NDC1: variants seen among roughly 807,000 people sequenced by gnomAD.
NDC1 encodes nucleoporin NDC1.
In NDC1, 24 loss-of-function variants were observed where a neutral mutation model predicts 89.8. The observed-to-expected ratio is 0.27, with a 90% CI of 0.19 to 0.38. The LOEUF is 0.38. NDC1 is among the 10% of genes least tolerant of loss of function. The probability of loss-of-function intolerance (pLI) is 1.00; values close to 1 mark genes in which losing one functional copy is unlikely to be tolerated. For missense variants in NDC1, 728 were observed against 797.6 expected (o/e 0.91, Z 1.05); for synonymous variants, 296 against 284.8 (o/e 1.04, Z -0.39).
At chr1:53,833,162 C>CTCTG (rs1324386200) in intron 2 of NDC1, among the ~76,000 whole-genome samples, 1 of 152,172 alleles carries the variant, frequency 6.6e-6, no homozygotes, top group Non-Finnish European at 1.5e-5. Flanking sequence ...TCTTTCTTTT[C>CTCTG]TCTGTCTTTC....
At chr1:53,790,719 A>C (rs1001191224) in intron 14 of NDC1, among the ~76,000 whole-genome samples, 2 of 152,052 alleles carry the variant, frequency 1.3e-5, no homozygotes, top group African/African-American at 2.4e-5. Context: ...ATAAATAAAT[A>C]AACAACAACA....
intron 11 of NDC1, among the ~76,000 whole-genome samples, chr1:53,799,081 T>C (rs1647823030): frequency 1.3e-5 from 2 of 152,220 alleles, no homozygotes; most frequent in Non-Finnish European, 2.9e-5. Flanking sequence ...CAACGCTAAT[T>C]TGATGGAACT....
chr1:53,803,907 G>A, intron 10 of NDC1, 21 bp downstream of exon 10: 1 of 1,561,698 alleles, frequency 6.4e-7, no homozygotes. Context: ...GCCTAATCAA[G>A]TCTATTACTT....
chr1:53,766,453 A>C lies in NDC1; in HGVS notation c.*1517T>G, dbSNP rs1647066807. 2 of 152,194 alleles carry C rather than the reference A, an allele frequency of 1.3e-5. No individual in the cohort carries two copies. Among genetic ancestry groups the C allele is most frequent in the Non-Finnish European group, 2.9e-5 (2 of 68,026 alleles). The allele number at this position is 152,194 out of a possible 1,614,324, so 9.4% of individuals were successfully genotyped here. A position where few individuals can be genotyped will look rare whatever the true frequency, so the allele number is the denominator to read the frequency against. On this transcript the variant is annotated 3_prime_UTR_variant, in exon 18 of 18. Coordinates refer to ENST00000371429, the MANE Select transcript of NDC1 (RefSeq NM_018087.5). ...TAAGAAATGACTACGTTTGAAATTC[A>C]ACTTTCACATTCAAAAAAAAGAAAT...
At chr1:53,825,753 A>G in intron 5 of NDC1, 45 bp downstream of exon 5, 1 of 1,534,026 alleles carries the variant, frequency 6.5e-7, no homozygotes, top group Non-Finnish European at 8.7e-7. Context: ...AGGCAATTTT[A>G]CCTCAGCCAA....
At chr1:53,791,305 A>G (rs1647492073) in intron 14 of NDC1, among the ~76,000 whole-genome samples, 1 of 151,992 alleles carries the variant, frequency 6.6e-6, no homozygotes, top group African/African-American at 2.4e-5. Flanking sequence ...TGTAGTCCCA[A>G]CTACTCAGGA....
At chr1:53,823,949 CT>C (rs1178704392) in intron 5 of NDC1, among the ~76,000 whole-genome samples, 3 of 151,978 alleles carry the variant, frequency 2.0e-5, no homozygotes, top group Non-Finnish European at 4.4e-5. Context: ...TCTTTCTCTT[CT>C]TTTTTTAAAG....
chr1:53,835,123 A>G (rs1044351787), intron 2 of NDC1, among the ~76,000 whole-genome samples: 10 of 152,222 alleles, frequency 6.6e-5, no homozygotes, highest in Non-Finnish European at 1.3e-4. Flanking sequence ...ACGTATTTTT[A>G]AAAGAGGTAC....
intron 16 of NDC1, among the ~76,000 whole-genome samples, chr1:53,772,867 G>A (rs1467713245): frequency 6.6e-6 from 1 of 152,052 alleles, no homozygotes; most frequent in Non-Finnish European, 1.5e-5. Flanking sequence ...TAGCTATGCT[G>A]TAACACATTT....
chr1:53,777,081 G>A (rs1186929828), intron 16 of NDC1, among the ~76,000 whole-genome samples: 1 of 151,534 alleles, frequency 6.6e-6, no homozygotes, highest in East Asian at 1.9e-4. Flanking sequence ...AGGCTGAAGT[G>A]CAGTAGGGCA....
Position 53,806,457 on chromosome 1 carries a change from CT to C in NDC1, c.951del (p.Val318CysfsTer2). 1 of 1,542,654 alleles carries C rather than the reference CT, an allele frequency of 6.5e-7. No individual in the cohort carries two copies. Among genetic ancestry groups the C allele is most frequent in the Non-Finnish European group, 8.7e-7 (1 of 1,152,088 alleles). On this transcript the variant is annotated frameshift_variant, in exon 9 of 18. Transcript: ENST00000371429. LOFTEE classifies it high-confidence loss of function. ...FAEGSDECLP[K>X]VLNSNPPPII... ...ATGGGGGGAGGATTGCTATTTAACA[CT>C]TTTGGAAGGCACTCATCTGACCCTT...
In NDC1 at chr1:53,797,012, C is replaced by A; in HGVS notation, c.1355G>T (p.Gly452Val). 1 of 1,614,036 alleles carries A rather than the reference C, an allele frequency of 6.2e-7. No homozygotes were observed. Among genetic ancestry groups the A allele is most frequent in the African/African-American group, 1.3e-5 (1 of 74,942 alleles). The change falls in exon 12 of 18, where the codon GGC (glycine) becomes GTC (valine). Residue 452 changes from glycine to valine, a missense_variant. Gly to Val is a moderately radical substitution (Grantham distance 109, BLOSUM62 -3). Coordinates refer to ENST00000371429, the MANE Select transcript of NDC1 (RefSeq NM_018087.5). ...AGCCATCCGATTCATTACACTAGAG[C>A]CAAATGGGGTCCCAAATGGGCTCAC... ...DVVSPFGTPF[G>V]SSVMNRMAGI...
chr1:53,831,057 T>C (rs1410699268), intron 3 of NDC1, among the ~76,000 whole-genome samples: 2 of 151,596 alleles, frequency 1.3e-5, no homozygotes, highest in Non-Finnish European at 2.9e-5. Flanking sequence ...CCGTCTCTAC[T>C]AAAAATACAA....
At chr1:53,785,015 G>A (rs1225395189) in intron 16 of NDC1, among the ~76,000 whole-genome samples, 5 of 151,734 alleles carry the variant, frequency 3.3e-5, no homozygotes, top group African/African-American at 1.2e-4. Flanking sequence ...AGGGTCTACT[G>A]CACTGCTAAT....
chr1:53,775,955 C>CTT (rs1204999638), intron 16 of NDC1, among the ~76,000 whole-genome samples: 139 of 135,628 alleles, frequency 1.0e-3, no homozygotes, highest in African/African-American at 3.4e-3. Context: ...TCTGAAATTC[C>CTT]TTTTTTTTTT....
At position 53,828,031 on chromosome 1, in the gene NDC1, G is replaced by A. The variant is rs141204999; in HGVS notation, c.423C>T (p.Ser141=). 1 of 1,612,984 alleles carries A rather than the reference G, an allele frequency of 6.2e-7. No individual in the cohort carries two copies. Among genetic ancestry groups the A allele is most frequent in the Non-Finnish European group, 8.5e-7 (1 of 1,179,470 alleles). Residue 141 remains serine (S), a synonymous_variant, in exon 4 of 18, where the codon AGC becomes AGT. Coordinates refer to ENST00000371429, the MANE Select transcript of NDC1 (RefSeq NM_018087.5). Reference sequence around the variant, plus strand: ...TACCAGTGCAGGGAACCACAAGAAAGCTGTACTGGCCCTGGGTTATCACTG... The same window carrying A: ...TACCAGTGCAGGGAACCACAAGAAAACTGTACTGGCCCTGGGTTATCACTG... ...CAAVITQGQY[S]FLVVPCTGTN...
chr1:53,832,266 G>C (rs967571617), intron 3 of NDC1, among the ~76,000 whole-genome samples: 1 of 151,940 alleles, frequency 6.6e-6, no homozygotes, highest in Non-Finnish European at 1.5e-5. Flanking sequence ...CAGATACCTC[G>C]TATAAGTAGA....
intron 10 of NDC1, among the ~76,000 whole-genome samples, chr1:53,802,553 C>T (rs1647957363): frequency 6.6e-6 from 1 of 151,966 alleles, no homozygotes; most frequent in South Asian, 2.1e-4. Flanking sequence ...CTGGTATGCC[C>T]CTATAATACC....
chr1:53,766,889 T>C lies in NDC1; in HGVS notation c.*1081A>G, dbSNP rs770150648. The C allele has an allele frequency of 9.2e-5, 14 of 152,238 alleles. No homozygotes were observed. Among genetic ancestry groups the C allele is most frequent in the Non-Finnish European group, 1.9e-4 (13 of 68,036 alleles). The allele number at this position is 152,238 out of a possible 1,614,324, so 9.4% of individuals were successfully genotyped here. On this transcript the variant is annotated 3_prime_UTR_variant, in exon 18 of 18. Transcript: ENST00000371429. ...TTGATCTCCAAAGAAGCTGATCTAATAAATTCTAACAATACTTCGTTCACA... is the reference window on the plus strand; with the variant it reads ...TTGATCTCCAAAGAAGCTGATCTAACAAATTCTAACAATACTTCGTTCACA...
Sources: gnomAD v4.1 joint callset for allele counts (sites outside exome capture counted in the v4.1 genomes callset) on GRCh38, gnomAD v4.1.1 for gene constraint, MANE v1.5 for transcripts, NCBI Gene and HGNC (gene_info 2026-07-23, HGNC 2026-07-21) for gene names.